The following TMPRSS9 variants were observed in gnomAD, a reference collection of about 807,000 sequenced individuals.
The protein encoded by TMPRSS9 is transmembrane serine protease 9.
Under a neutral mutation model 111.4 loss-of-function variants are expected in TMPRSS9, and 113 were observed. The observed-to-expected ratio is 1.01, with a 90% CI of 0.87 to 1.19. The LOEUF (loss-of-function observed/expected upper bound fraction) is 1.19. TMPRSS9 is among the 50% of genes most tolerant of loss of function. TMPRSS9 has a pLI of 0.00. For synonymous variants in TMPRSS9, 805 were observed against 659.1 expected (o/e 1.22, Z -3.39); for missense variants, 1,803 against 1,513.1 (o/e 1.19, Z -3.18).
At chr19:2,416,230 C>T in intron 11 of TMPRSS9, 1 of 463,314 alleles carries the variant, frequency 2.2e-6, no homozygotes, top group South Asian at 3.9e-5. Context: ...AGAGCGAGAC[C>T]CTGTCTCAAC....
intron 13 of TMPRSS9, among the ~76,000 whole-genome samples, chr19:2,419,071 C>T (rs1296553192): frequency 2.0e-5 from 1 of 50,568 alleles, no homozygotes; most frequent in Non-Finnish European, 3.9e-5. Flanking sequence ...CCTTCCCTCC[C>T]GCCCTCTCCT....
chr19:2,425,998 GGGCTATGGCTGT>G (rs777816148), exon 18 of TMPRSS9: 1 of 1,606,624 alleles, frequency 6.2e-7, no homozygotes, highest in South Asian at 1.1e-5. Flanking sequence ...TCACTAGCTG[GGGCTATGGCTGT>G]GGCCGGCCCC....
chr19:2,422,350 C>A, intron 14 of TMPRSS9, 103 bp downstream of exon 15: 1 of 1,367,142 alleles, frequency 7.3e-7, no homozygotes, highest in Non-Finnish European at 9.6e-7. Context: ...GAGGCCGAGG[C>A]GGGCGGATCA....
chr19:2,417,974 G>A (rs1352659883), intron 12 of TMPRSS9, 28 bp from the exon 14 acceptor site: 9 of 1,610,900 alleles, frequency 5.6e-6, no homozygotes, highest in Non-Finnish European at 7.6e-6. Flanking sequence ...CACTGTGCAC[G>A]TGGCCTTTCT....
intron 4 of TMPRSS9, among the ~76,000 whole-genome samples, chr19:2,401,231 G>GC (rs1475035211): frequency 6.6e-6 from 1 of 151,930 alleles, no homozygotes; most frequent in East Asian, 1.9e-4. Flanking sequence ...CCGAGATCGC[G>GC]CCACTGCTCT....
In TMPRSS9 at chr19:2,382,150, G is replaced by C. The variant is rs572877271; in HGVS notation, c.-25-7611G>C. Among the ~76,000 whole-genome samples, 7 of 152,252 alleles carry C rather than the reference G, an allele frequency of 4.6e-5. No individual in the cohort carries two copies. In the East Asian group the frequency reaches 1.4e-3, roughly 29 times the overall value. On this transcript the variant is annotated intron_variant, in intron 1 of 17. Transcript: ENST00000649857. ...GCCACAGCACCCAGCCAGAATTTCA[G>C]ATTAACAACCAAAACGTTTCTTTTT... is the stretch of plus-strand genomic sequence containing the variant.
chr19:2,415,536 C>A, intron 10 of TMPRSS9, 134 bp from the exon 12 acceptor site: 1 of 852,920 alleles, frequency 1.2e-6, no homozygotes, highest in Admixed American at 3.5e-5. Context: ...GCCTCCACGG[C>A]TTCTTGTGTG....
At chr19:2,410,688 C>G (rs1025301237) in intron 9 of TMPRSS9, among the ~76,000 whole-genome samples, 1 of 152,074 alleles carries the variant, frequency 6.6e-6, no homozygotes, top group Admixed American at 6.6e-5. Context: ...CTCCCTGCTC[C>G]CTTCCAGTGG....
At chr19:2,363,799 TGTGTGC>T (rs1651941619) in intron 1 of TMPRSS9, among the ~76,000 whole-genome samples, 2 of 129,686 alleles carry the variant, frequency 1.5e-5, no homozygotes, top group African/African-American at 5.9e-5. Context: ...AGTGTGTGTG[TGTGTGC>T]GTGCGCGCGT....
intron 9 of TMPRSS9, among the ~76,000 whole-genome samples, chr19:2,412,360 C>T (rs1215337315): frequency 6.6e-6 from 1 of 152,098 alleles, no homozygotes; most frequent in African/African-American, 2.4e-5. Context: ...GCCAAGATCA[C>T]GCCACTGTAC....
At chr19:2,385,067 G>A (rs1487618892), upstream of TMPRSS9, among the ~76,000 whole-genome samples, 1 of 151,352 alleles carries the variant, frequency 6.6e-6, no homozygotes, top group Non-Finnish European at 1.5e-5. Context: ...AGGCCGAGGC[G>A]GGCGGATTAC....
chr19:2,407,608 C>CTTTT (rs71178273), intron 7 of TMPRSS9, among the ~76,000 whole-genome samples: 7 of 98,398 alleles, frequency 7.1e-5, no homozygotes, highest in Non-Finnish European at 1.0e-4. Context: ...CTTTTCTTTT[C>CTTTT]TTTTTTTTTT....
chr19:2,391,861 C>A (rs1288097724), intron 1 of TMPRSS9, among the ~76,000 whole-genome samples: 1 of 151,696 alleles, frequency 6.6e-6, no homozygotes, highest in Admixed American at 6.6e-5. Context: ...CCTGCCTCAG[C>A]CTCCTGGGTA....
At chr19:2,409,126 C>T (rs1427938663) in intron 8 of TMPRSS9, among the ~76,000 whole-genome samples, 3 of 149,186 alleles carry the variant, frequency 2.0e-5, no homozygotes, top group South Asian at 2.1e-4. Context: ...AACCCATCAT[C>T]GATGCTACTG....
intron 1 of TMPRSS9, among the ~76,000 whole-genome samples, chr19:2,379,406 C>T (rs1970363286): frequency 6.6e-6 from 1 of 151,826 alleles, no homozygotes; most frequent in South Asian, 2.1e-4. Context: ...AGGATAGTCT[C>T]AATCTCCTGA....
At chr19:2,365,560 T>C (rs1408462889) in intron 1 of TMPRSS9, among the ~76,000 whole-genome samples, 1 of 151,450 alleles carries the variant, frequency 6.6e-6, no homozygotes, top group Admixed American at 6.6e-5. Flanking sequence ...TCGAATGGGA[T>C]GGACGTGTCC....
intron 7 of TMPRSS9, among the ~76,000 whole-genome samples, chr19:2,406,063 T>G (rs1234489440): frequency 1.4e-5 from 2 of 139,902 alleles, no homozygotes; most frequent in Non-Finnish European, 3.1e-5. Flanking sequence ...CAGGCTGGAG[T>G]GCAGTGGCGT....
chr19:2,415,079 G>A (rs1360254055), intron 10 of TMPRSS9, among the ~76,000 whole-genome samples: 2 of 151,264 alleles, frequency 1.3e-5, no homozygotes, highest in Non-Finnish European at 2.9e-5. Flanking sequence ...TGAATAGCTG[G>A]GATTACAGGT....
rs542846531 is a variant in TMPRSS9 at position 2,364,757 on chromosome 19, G to A, written c.-26+4397G>A. Among the ~76,000 whole-genome samples the A allele has an allele frequency of 2.8e-3, 428 of 151,886 alleles. 6 individuals are homozygous for A. The highest frequency in any genetic ancestry group is 3.4e-3 in the Middle Eastern group (1 of 294). On this transcript the variant is annotated intron_variant, in intron 1 of 17. Coordinates refer to the TMPRSS9 transcript ENST00000649857. ...TCCCAGCACTTTGGGAGGCTGAGGC[G>A]GGCCGATCATGAGGTCAGGAGATCG...
Sources: allele counts gnomAD v4.1 joint callset (sites outside exome capture counted in the v4.1 genomes callset), GRCh38; gene constraint gnomAD v4.1.1; transcripts MANE v1.5; gene names NCBI Gene and HGNC (gene_info 2026-07-23, HGNC 2026-07-21).